The following UBA2 variants were observed in gnomAD, a reference collection of about 807,000 sequenced individuals.
UBA2 encodes ubiquitin like modifier activating enzyme 2.
UBA2 carries 11 observed loss-of-function variants against 77.2 expected under a neutral mutation model. The ratio of observed to expected loss-of-function variants is 0.14; its 90% CI spans 0.09 to 0.24. The LOEUF is 0.24. Among genes scored for constraint, UBA2 ranks in the 10% least tolerant of loss-of-function variants. UBA2 has a pLI of 1.00. For missense variants in UBA2, 487 were observed against 781.7 expected, an observed-to-expected ratio of 0.62 and a Z score of 4.50; for synonymous variants, 278 against 276.7, an observed-to-expected ratio of 1.00 and a Z score of -0.05.
chr19:34,451,788 C>A (rs950774333), intron 9 of UBA2, among the ~76,000 whole-genome samples, 193 bp from the exon 10 acceptor site: 1 of 151,846 alleles, frequency 6.6e-6, no homozygotes, highest in African/African-American at 2.4e-5. Flanking sequence ...CCTCATGATC[C>A]GTCTGCCTCG....
intron 5 of UBA2, among the ~76,000 whole-genome samples, chr19:34,436,982 CTGCT>C (rs1568369267): frequency 6.6e-6 from 1 of 152,174 alleles, no homozygotes; most frequent in Non-Finnish European, 1.5e-5. Context: ...AGTCTCATGA[CTGCT>C]TGCCATGTGG....
At chr19:34,434,358 C>G (rs897839575) in intron 4 of UBA2, among the ~76,000 whole-genome samples, 7 of 152,190 alleles carry the variant, frequency 4.6e-5, no homozygotes, top group Non-Finnish European at 7.3e-5. Context: ...TCAAGCAGTC[C>G]TCCCACCTCA....
chr19:34,429,240 C>T (rs925778256), intron 1 of UBA2: 1 of 985,384 alleles, frequency 1.0e-6, no homozygotes, highest in Non-Finnish European at 1.2e-6. Flanking sequence ...TCGCTTGTTT[C>T]ATTAAAGACG....
At chr19:34,455,835 T>G (rs1209121629) in intron 12 of UBA2, among the ~76,000 whole-genome samples, 1 of 151,894 alleles carries the variant, frequency 6.6e-6, no homozygotes, top group Non-Finnish European at 1.5e-5. Flanking sequence ...TAGAGACGGG[T>G]TTCACTATGT....
chr19:34,433,476 C>G (rs1415843209), intron 4 of UBA2, 64 bp downstream of exon 4: 2 of 1,126,920 alleles, frequency 1.8e-6, no homozygotes, highest in East Asian at 4.7e-5. Flanking sequence ...AATTTGTTTA[C>G]AAATTTAATA....
In UBA2 at chr19:34,428,488, G is replaced by C; in HGVS notation, c.56G>C (p.Arg19Pro). The stretch of plus-strand genomic sequence containing the variant: ...CTGGCTGAGGCGGTGGCCGGGGGCC[G>C]GGTGCTGGTGGTGGGGGCGGGCGGC... ...RELAEAVAGG[R>P]VLVVGAGGIG... The change falls in exon 1 of 17, where the codon CGG becomes CCG. Residue 19 changes from arginine to proline, a missense_variant. By Grantham distance (103) the Arg-to-Pro change is moderately radical. Transcript: ENST00000246548. The C allele has an allele frequency of 7.7e-7, 1 of 1,297,380 alleles. No homozygotes were observed. The highest frequency in any genetic ancestry group is 1.5e-5 in the African/African-American group (1 of 66,372). 80.4% of individuals were successfully genotyped at this position (1,297,380 alleles called of 1,614,324 possible). A position where few individuals can be genotyped will look rare whatever the true frequency, so the allele number is the denominator to read the frequency against.
rs1011675209 is a variant in UBA2 at position 34,451,957 on chromosome 19, T to C, written c.872-24T>C. On this transcript the variant is annotated intron_variant, in intron 9 of 16. Transcript: ENST00000246548. ...GAATGATGTTAATTAGTGAAATTTC[T>C]AATATATATATTTTTTTCTTTAGGA... 10 of 1,418,240 alleles carry C rather than the reference T, an allele frequency of 7.1e-6. No homozygotes were observed. In the African/African-American group the frequency reaches 1.5e-4, roughly 21 times the overall value. 87.9% of individuals were successfully genotyped at this position (1,418,240 alleles called of 1,614,324 possible). A position where few individuals can be genotyped will look rare whatever the true frequency, so the allele number is the denominator to read the frequency against.
chr19:34,430,936 C>A (rs1047045568), intron 2 of UBA2, among the ~76,000 whole-genome samples: 4 of 152,142 alleles, frequency 2.6e-5, no homozygotes, highest in African/African-American at 9.7e-5. Context: ...TGTTCCTACA[C>A]CCCCTAGAGG....
chr19:34,467,612 TA>T (rs1324429960), intron 16 of UBA2, among the ~76,000 whole-genome samples: 1 of 152,088 alleles, frequency 6.6e-6, no homozygotes, highest in African/African-American at 2.4e-5. Context: ...CCATCTGTAC[TA>T]AAAATACAAA....
At chr19:34,443,483 C>T (rs570306709) in intron 6 of UBA2, among the ~76,000 whole-genome samples, 10 of 145,702 alleles carry the variant, frequency 6.9e-5, no homozygotes, top group African/African-American at 2.5e-4. Context: ...GCTCTGTTGC[C>T]CAGGCCGGAG....
At chr19:34,430,788 G>A in intron 2 of UBA2, 129 bp downstream of exon 2, 1 of 667,194 alleles carries the variant, frequency 1.5e-6, no homozygotes, top group Non-Finnish European at 2.6e-6. Flanking sequence ...AGATTGTGAA[G>A]GATAAAGATA....
chr19:34,444,961 T>G, intron 7 of UBA2, 39 bp from the exon 8 acceptor site: 1 of 1,597,212 alleles, frequency 6.3e-7, no homozygotes, highest in Non-Finnish European at 8.5e-7. Flanking sequence ...CAGTTCTACA[T>G]TTATTACGGT....
chr19:34,439,834 GAAAA>G (rs1020343468), intron 6 of UBA2, among the ~76,000 whole-genome samples: 49 of 150,516 alleles, frequency 3.3e-4, no homozygotes, highest in African/African-American at 1.0e-3. Flanking sequence ...AAGAAAGAAA[GAAAA>G]AAAGAATGAG....
At chr19:34,435,451 A>G (rs993683121) in intron 5 of UBA2, among the ~76,000 whole-genome samples, 10 of 152,208 alleles carry the variant, frequency 6.6e-5, no homozygotes, top group African/African-American at 1.9e-4. Context: ...GGGCAAGGAA[A>G]TCTTTCAGCT....
At chr19:34,453,260 T>C (rs1024479420) in intron 10 of UBA2, among the ~76,000 whole-genome samples, 1 of 152,218 alleles carries the variant, frequency 6.6e-6, no homozygotes, top group Non-Finnish European at 1.5e-5. Flanking sequence ...GCTCTCAGTA[T>C]TTTTTCTTCT....
rs2075727319 is a variant in UBA2 at position 34,470,697 on chromosome 19, T to A, written c.*1476T>A. Reference sequence around the variant, plus strand: ...TCCACCACGCTCAGCTAATTTTTTGTATTTTTAGTAGAGATGGGGTTTCAC... The same window carrying A: ...TCCACCACGCTCAGCTAATTTTTTGAATTTTTAGTAGAGATGGGGTTTCAC... On this transcript the variant is annotated 3_prime_UTR_variant, in exon 17 of 17. Coordinates refer to ENST00000246548, the MANE Select transcript of UBA2 (RefSeq NM_005499.3). 6.6e-6 allele frequency: 1 copy of A among 152,200 alleles called. No individual in the cohort carries two copies. Among genetic ancestry groups the A allele is most frequent in the African/African-American group, 2.4e-5 (1 of 41,428 alleles). The allele number at this position is 152,200 out of a possible 1,614,324, so 9.4% of individuals were successfully genotyped here. A position where few individuals can be genotyped will look rare whatever the true frequency, so the allele number is the denominator to read the frequency against.
At chr19:34,440,499 A>G (rs2075357315) in intron 6 of UBA2, among the ~76,000 whole-genome samples, 1 of 152,210 alleles carries the variant, frequency 6.6e-6, no homozygotes, top group South Asian at 2.1e-4. Context: ...TTTAAAAGGG[A>G]ATACTACTTA....
Position 34,454,479 on chromosome 19 carries a change from A to G in UBA2, c.1168A>G (p.Thr390Ala). 6.2e-7 allele frequency: 1 copy of G among 1,606,282 alleles called. No homozygotes were observed. The change falls in exon 12 of 17, where the codon ACT becomes GCT. Residue 390 changes from threonine to alanine, a missense_variant. Thr to Ala is a moderately conservative substitution (Grantham distance 58). Around this residue, in one of 9 missense-constraint regions of UBA2, gnomAD observed 300 missense variants for 454.3 expected, o/e 0.66. Coordinates refer to ENST00000246548, the MANE Select transcript of UBA2 (RefSeq NM_005499.3). ...GAACATTATTCCTGCTATTGCTACT[A>G]CTAATGCAGTAATTGCTGGGTTGAT... ...AGNIIPAIAT[T>A]NAVIAGLIVL... is the part of the protein sequence containing the mutation.
At chr19:34,457,213 TAA>T (rs1271759544) in intron 12 of UBA2, among the ~76,000 whole-genome samples, 1 of 123,694 alleles carries the variant, frequency 8.1e-6, no homozygotes, top group African/African-American at 3.1e-5. Flanking sequence ...TATATATATA[TAA>T]AATTAGCTGG....
Sources: allele counts gnomAD v4.1 joint callset (sites outside exome capture counted in the v4.1 genomes callset), GRCh38; gene constraint gnomAD v4.1.1; regional missense constraint gnomAD v4.1.1; transcripts MANE v1.5; gene names NCBI Gene and HGNC (gene_info 2026-07-23, HGNC 2026-07-21).